The following TBX5 variants were observed in gnomAD, a reference collection of about 807,000 sequenced individuals.
The protein encoded by TBX5 is T-box transcription factor TBX5.
A neutral mutation model predicts 51.1 loss-of-function variants in TBX5; 8 were observed. The ratio of observed to expected loss-of-function variants is 0.16; its 90% CI spans 0.09 to 0.28. The LOEUF (loss-of-function observed/expected upper bound fraction) is 0.28, where lower values mean the gene tolerates loss of function less well. TBX5 is among the 10% of genes least tolerant of loss of function. The probability of loss-of-function intolerance (pLI) is 1.00; values close to 1 mark genes in which losing one functional copy is unlikely to be tolerated. For missense variants in TBX5, 589 were observed against 671.7 expected (o/e 0.88, Z 1.36); for synonymous variants, 302 against 266.4 (o/e 1.13, Z -1.30).
upstream of TBX5, chr12:114,407,136 T>C: frequency 4.1e-6 from 4 of 984,078 alleles, no homozygotes; most frequent in Non-Finnish European, 4.8e-6. Flanking sequence ...ACTGCTCTGC[T>C]AAAATCCCAG....
upstream of TBX5, chr12:114,408,101 G>C: frequency 2.0e-6 from 2 of 985,448 alleles, no homozygotes; most frequent in Non-Finnish European, 2.4e-6. Context: ...AGGACTTGGA[G>C]ACGTCACGAG....
intron 7 of TBX5, among the ~76,000 whole-genome samples, chr12:114,378,281 T>C (rs1870306575): frequency 6.6e-6 from 1 of 152,184 alleles, no homozygotes; most frequent in Non-Finnish European, 1.5e-5. Context: ...GACTTTGCTA[T>C]TGCTTGTTCA....
At chr12:114,386,946 T>A (rs111661410) in intron 6 of TBX5, among the ~76,000 whole-genome samples, 3,381 of 80,026 alleles carry the variant, frequency 0.042, 53 homozygotes, top group Non-Finnish European at 0.056. Flanking sequence ...ATACAAAATT[T>A]AAAAAAAAAA....
chr12:114,357,772 G>C (rs1308977644), intron 8 of TBX5, among the ~76,000 whole-genome samples: 1 of 152,142 alleles, frequency 6.6e-6, no homozygotes, highest in Admixed American at 6.5e-5. Context: ...CTTCCAAACT[G>C]AAAATTCTCT....
At chr12:114,392,114 C>T (rs768111238) in intron 6 of TBX5, among the ~76,000 whole-genome samples, 6 of 148,856 alleles carry the variant, frequency 4.0e-5, no homozygotes, top group East Asian at 2.0e-4. Context: ...TATCCAAATG[C>T]GTATTTGGAG....
intron 5 of TBX5, 43 bp from the exon 6 acceptor site, chr12:114,394,936 T>A: frequency 6.3e-7 from 1 of 1,597,254 alleles, no homozygotes. Context: ...AAATCAAAAC[T>A]CCCTTTGTCT....
At chr12:114,403,171 C>G (rs983254394) in intron 2 of TBX5, among the ~76,000 whole-genome samples, 1 of 152,272 alleles carries the variant, frequency 6.6e-6, no homozygotes, top group African/African-American at 2.4e-5. Context: ...CCGGGCAGAG[C>G]TCTGTGCGCT....
At chr12:114,393,230 C>A (rs1871253584) in intron 6 of TBX5, among the ~76,000 whole-genome samples, 1 of 152,154 alleles carries the variant, frequency 6.6e-6, no homozygotes, top group Admixed American at 6.5e-5. Context: ...CTGCAGTTCC[C>A]CCTCCACCCC....
In TBX5 at chr12:114,384,995, G is replaced by T. The variant is rs181078540; in HGVS notation, c.755+481C>A. On this transcript the variant is annotated intron_variant, in intron 7 of 8. Transcript: ENST00000405440. ...AAATACCGAGCAATTTTTAGCACCA[G>T]CTTCCAATCCTCCAGTGCCCTGGAC... 2.4e-4 allele frequency among the ~76,000 whole-genome samples: 37 copies of T among 151,960 alleles called. 1 individual carries two copies. Among genetic ancestry groups the T allele is most frequent in the East Asian group, 2.3e-3 (12 of 5,154 alleles).
At chr12:114,360,512 G>T (rs1435643136) in intron 8 of TBX5, among the ~76,000 whole-genome samples, 1 of 148,914 alleles carries the variant, frequency 6.7e-6, no homozygotes, top group Non-Finnish European at 1.5e-5. Context: ...GAATGGATGG[G>T]TGGGTTGATG....
Position 114,366,224 on chromosome 12 carries a change from G to T in TBX5, c.923C>A (p.Pro308His). The T allele has an allele frequency of 6.2e-7, 1 of 1,614,046 alleles. No individual in the cohort carries two copies. The highest frequency in any genetic ancestry group is 1.1e-5 in the South Asian group (1 of 91,066). Residue 308 changes from proline (P) to histidine (H), a missense_variant, in exon 8 of 9, where the codon CCC becomes CAC. Transcript: ENST00000405440. ...SGPSQDLLPP[P>H]NPYPLPQEHS... ...CTCCTGGGGCAGTGGGTATGGGTTGGGTGGAGGCAGGAGGTCCTGGGAGGG... is the reference window on the plus strand; with the variant it reads ...CTCCTGGGGCAGTGGGTATGGGTTGTGTGGAGGCAGGAGGTCCTGGGAGGG...
intron 6 of TBX5, among the ~76,000 whole-genome samples, chr12:114,389,964 C>T (rs1294442580): frequency 6.6e-6 from 1 of 151,364 alleles, no homozygotes; most frequent in African/African-American, 2.4e-5. Context: ...CAAAAAATTG[C>T]CCCAAGGAAA....
intron 7 of TBX5, among the ~76,000 whole-genome samples, chr12:114,383,551 C>T (rs1870632695): frequency 6.6e-6 from 1 of 152,112 alleles, no homozygotes; most frequent in South Asian, 2.1e-4. Context: ...GAGAACTTGC[C>T]TGATTTGTGT....
At chr12:114,364,002 G>A (rs1380324552) in intron 8 of TBX5, among the ~76,000 whole-genome samples, 1 of 152,202 alleles carries the variant, frequency 6.6e-6, no homozygotes, top group Non-Finnish European at 1.5e-5. Flanking sequence ...GAGTGATATT[G>A]TTCAGGCCTT....
chr12:114,388,047 C>T (rs1426984154), intron 6 of TBX5, among the ~76,000 whole-genome samples: 5 of 152,082 alleles, frequency 3.3e-5, no homozygotes, highest in Non-Finnish European at 7.4e-5. Context: ...TGAGGTTTTG[C>T]CATGTTGTCC....
At chr12:114,389,982 A>C (rs573348844) in intron 6 of TBX5, among the ~76,000 whole-genome samples, 8 of 151,992 alleles carry the variant, frequency 5.3e-5, no homozygotes, top group Admixed American at 3.3e-4. Context: ...AAAGAAGAAA[A>C]GGGTGAATTT....
At chr12:114,406,372 A>T (rs564356249), upstream of TBX5, among the ~76,000 whole-genome samples, 1 of 151,272 alleles carries the variant, frequency 6.6e-6, no homozygotes, top group Non-Finnish European at 1.5e-5. Flanking sequence ...GGCTGCAAAA[A>T]CTCCTGCACA....
At chr12:114,399,729 A>G (rs1871680232) in intron 3 of TBX5, 97 bp from the exon 4 acceptor site, 1 of 1,588,570 alleles carries the variant, frequency 6.3e-7, no homozygotes. Context: ...CAATTCCTGG[A>G]GAAACGTGGA....
At chr12:114,390,483 C>T (rs947286260) in intron 6 of TBX5, among the ~76,000 whole-genome samples, 2 of 152,204 alleles carry the variant, frequency 1.3e-5, no homozygotes, top group African/African-American at 4.8e-5. Context: ...AATACCAGCT[C>T]CAACTGAGAC....
Sources: allele counts gnomAD v4.1 joint callset (sites outside exome capture counted in the v4.1 genomes callset), GRCh38; gene constraint gnomAD v4.1.1; transcripts MANE v1.5; gene names NCBI Gene and HGNC (gene_info 2026-07-23, HGNC 2026-07-21).